Variants in EPC2 observed in about 807,000 individuals in gnomAD.
EPC2 encodes the protein enhancer of polycomb homolog 2.
Under a neutral mutation model 92.1 loss-of-function variants are expected in EPC2, and 14 were observed. That is an observed-to-expected ratio of 0.15 (90% CI 0.10 to 0.24). The LOEUF is 0.24. Ranked by LOEUF, EPC2 falls within the 10% of genes least tolerant of loss-of-function variation. The pLI, the probability that EPC2 is intolerant of heterozygous loss-of-function variation, is 1.00. For missense variants in EPC2, 755 were observed against 971.5 expected, an observed-to-expected ratio of 0.78 and a Z score of 2.96; for synonymous variants, 340 against 334.7, an observed-to-expected ratio of 1.02 and a Z score of -0.17.
intron 4 of EPC2, among the ~76,000 whole-genome samples, chr2:148,756,163 T>G (rs925431179): frequency 6.6e-6 from 1 of 152,238 alleles, no homozygotes; most frequent in African/African-American, 2.4e-5. Context: ...TTGTGATCAC[T>G]AATACAGGTT....
intron 7 of EPC2, among the ~76,000 whole-genome samples, chr2:148,767,734 C>T (rs183479068): frequency 9.9e-5 from 15 of 152,256 alleles, no homozygotes; most frequent in Admixed American, 3.3e-4. Flanking sequence ...ATCGTGCTTC[C>T]GATTTTCCTA....
chr2:148,785,374 C>T (rs1282293794), intron 13 of EPC2, among the ~76,000 whole-genome samples: 1 of 152,040 alleles, frequency 6.6e-6, no homozygotes, highest in East Asian at 1.9e-4. Context: ...CTTGCCCAGG[C>T]TGGAGTGCAA....
chr2:148,761,064 G>A (rs911915118), intron 4 of EPC2, among the ~76,000 whole-genome samples: 1 of 152,182 alleles, frequency 6.6e-6, no homozygotes, highest in Non-Finnish European at 1.5e-5. Context: ...TATGCAAATA[G>A]ATGCTACTAA....
rs187587992 is a variant in EPC2 at position 148,780,416 on chromosome 2, T to A, written c.1721-1228T>A. 2.6e-3 allele frequency among the ~76,000 whole-genome samples: 402 copies of A among 152,222 alleles called. 5 individuals carry two copies. The highest frequency in any genetic ancestry group is 3.4e-3 in the Middle Eastern group (1 of 294). On this transcript the variant is annotated intron_variant, in intron 10 of 13. Transcript: ENST00000258484. The stretch of plus-strand genomic sequence containing the variant: ...TATATCTAATTTACCATAAAAAAAT[T>A]TTTTTGATTATTCATGTGTGATCCT...
intron 1 of EPC2, among the ~76,000 whole-genome samples, chr2:148,675,124 G>C (rs1356573874): frequency 1.3e-5 from 2 of 152,090 alleles, no homozygotes; most frequent in Non-Finnish European, 2.9e-5. Flanking sequence ...TATTTGACCA[G>C]CTTTATGCAG....
At chr2:148,774,510 C>G (rs1683584702) in intron 10 of EPC2, among the ~76,000 whole-genome samples, 1 of 151,486 alleles carries the variant, frequency 6.6e-6, no homozygotes, top group South Asian at 2.1e-4. Context: ...GCCTGTAGTC[C>G]CAGCTGAGGG....
chr2:148,709,222 C>T, intron 2 of EPC2, among the ~76,000 whole-genome samples: 1 of 152,212 alleles, frequency 6.6e-6, no homozygotes, highest in East Asian at 1.9e-4. Context: ...GAGGCCAAAT[C>T]ATGAGGGAAC....
chr2:148,645,291 A>T (rs1166099846), intron 1 of EPC2, 121 bp downstream of exon 1: 2 of 853,612 alleles, frequency 2.3e-6, no homozygotes, highest in Non-Finnish European at 3.6e-6. Flanking sequence ...GCTCTAACGC[A>T]CGGGACTCTA....
chr2:148,764,584 G>A (rs554282778), intron 6 of EPC2, among the ~76,000 whole-genome samples: 2 of 152,032 alleles, frequency 1.3e-5, no homozygotes, highest in Non-Finnish European at 2.9e-5. Context: ...TCATGATCCA[G>A]TTGAAGATTT....
At chr2:148,698,241 G>A (rs1007450878) in intron 2 of EPC2, among the ~76,000 whole-genome samples, 3 of 152,058 alleles carry the variant, frequency 2.0e-5, no homozygotes, top group Non-Finnish European at 2.9e-5. Flanking sequence ...TTGTAAATAC[G>A]CAATCTTCCC....
At chr2:148,727,805 A>G (rs547377615) in intron 2 of EPC2, among the ~76,000 whole-genome samples, 67 of 152,360 alleles carry the variant, frequency 4.4e-4, no homozygotes, top group Middle Eastern at 3.4e-3. Flanking sequence ...GATTCACAAA[A>G]TAACATGATC....
intron 2 of EPC2, among the ~76,000 whole-genome samples, chr2:148,724,653 T>C (rs1682456833): frequency 6.6e-6 from 1 of 152,182 alleles, no homozygotes; most frequent in South Asian, 2.1e-4. Context: ...TTTCATGATA[T>C]AAAGTCATTT....
At chr2:148,762,084 A>G in intron 5 of EPC2, 154 bp downstream of exon 5, 1 of 596,804 alleles carries the variant, frequency 1.7e-6, no homozygotes, top group South Asian at 2.8e-5. Flanking sequence ...TGTGGTTACT[A>G]GTTTTTATAG....
chr2:148,743,908 G>A, intron 3 of EPC2, 141 bp downstream of exon 3: 1 of 599,960 alleles, frequency 1.7e-6, no homozygotes, highest in Non-Finnish European at 2.7e-6. Flanking sequence ...TGTTCCGTGA[G>A]TGGAGAGTAC....
chr2:148,718,210 G>A (rs941752708), intron 2 of EPC2, among the ~76,000 whole-genome samples: 1 of 152,158 alleles, frequency 6.6e-6, no homozygotes, highest in Non-Finnish European at 1.5e-5. Flanking sequence ...GCCATTCTGT[G>A]TCTTTTAATT....
At chr2:148,671,663 G>C (rs1470385751) in intron 1 of EPC2, among the ~76,000 whole-genome samples, 1 of 152,034 alleles carries the variant, frequency 6.6e-6, no homozygotes, top group Non-Finnish European at 1.5e-5. Context: ...TCTTTGGCTT[G>C]AATTCTACTT....
chr2:148,700,040 CTGTT>C (rs1246512253), intron 2 of EPC2, among the ~76,000 whole-genome samples: 1 of 152,068 alleles, frequency 6.6e-6, no homozygotes, highest in East Asian at 1.9e-4. Context: ...AGTGTGGTGT[CTGTT>C]CAGATCTTTT....
At chr2:148,661,314 A>C (rs1233579137) in intron 1 of EPC2, among the ~76,000 whole-genome samples, 2 of 152,126 alleles carry the variant, frequency 1.3e-5, no homozygotes, top group Non-Finnish European at 2.9e-5. Flanking sequence ...TGTAAATGGA[A>C]TCTTCTCTCT....
At chr2:148,700,386 A>G (rs985030487) in intron 2 of EPC2, among the ~76,000 whole-genome samples, 3 of 151,736 alleles carry the variant, frequency 2.0e-5, no homozygotes, top group Non-Finnish European at 4.4e-5. Context: ...ATCCATTTTG[A>G]GTTAATTTTT....
Sources: allele counts gnomAD v4.1 joint callset (sites outside exome capture counted in the v4.1 genomes callset), GRCh38; gene constraint gnomAD v4.1.1; transcripts MANE v1.5; gene names NCBI Gene and HGNC (gene_info 2026-07-23, HGNC 2026-07-21).